STIL: variants seen among roughly 807,000 people sequenced by gnomAD.
STIL encodes the protein SCL-interrupting locus protein.
STIL carries 55 observed loss-of-function variants against 110.1 expected under a neutral mutation model. The observed-to-expected ratio is 0.50, with a 90% CI of 0.40 to 0.63. The LOEUF (loss-of-function observed/expected upper bound fraction) is 0.63. STIL is among the 20% of genes least tolerant of loss of function. The pLI is 0.00. For synonymous variants in STIL, 481 were observed against 530.0 expected (o/e 0.91, Z 1.27); for missense variants, 1,358 against 1,530.0 (o/e 0.89, Z 1.87).
intron 6 of STIL, among the ~76,000 whole-genome samples, chr1:47,299,294 C>G (rs1237103332): frequency 6.6e-6 from 1 of 151,202 alleles, no homozygotes; most frequent in Non-Finnish European, 1.5e-5. Flanking sequence ...TTACAGTGAG[C>G]CAAGATCCCA....
rs973259605 is a variant in STIL, at chr1:47,287,628, A to G, written c.1056T>C (p.Arg352=). 3.1e-6 allele frequency: 5 copies of G among 1,613,546 alleles called. No individual in the cohort carries two copies. In the African/African-American group the frequency reaches 5.3e-5, roughly 17 times the overall value. The change falls in exon 10 of 17, where the codon CGT becomes CGC. Residue 352 remains arginine (R), a synonymous_variant. Transcript: ENST00000371877. ...TTTGGCTTTCAGCGCTCAGTTCACA[A>G]CGGATTGGATTTTTGTCAGGAGGTT... ...NVEPPDKNPI[R]CELSAESQNA...
rs766451599 is a variant in STIL, at chr1:47,260,522, T to C, written c.2847A>G (p.Leu949=). The part of the protein sequence containing the change: ...YQDLLGQVNH[L]LNSSSKETEQ... ...CAGTTTCCTTGGAGGAACTATTTAATAGGTGGTTTACTTGACCCTGACAAA... is the reference window on the plus strand; with the variant it reads ...CAGTTTCCTTGGAGGAACTATTTAACAGGTGGTTTACTTGACCCTGACAAA... Residue 949 remains leucine (L), a synonymous_variant, in exon 16 of 17, where the codon CTA becomes CTG. Coordinates refer to ENST00000371877, the MANE Select transcript of STIL (RefSeq NM_001048166.1). 16 of 1,614,192 alleles carry C rather than the reference T, an allele frequency of 9.9e-6. No individual in the cohort carries two copies. The highest frequency in any genetic ancestry group is 3.3e-5 in the South Asian group (3 of 91,086).
At chr1:47,304,387 C>CT (rs1363506263) in intron 3 of STIL, among the ~76,000 whole-genome samples, 13 of 151,818 alleles carry the variant, frequency 8.6e-5, no homozygotes, top group Non-Finnish European at 1.6e-4. Flanking sequence ...TGAAGCTAGG[C>CT]TGACTCAAGG....
intron 15 of STIL, 79 bp from the exon 16 acceptor site, chr1:47,260,618 A>C: frequency 6.9e-7 from 1 of 1,459,382 alleles, no homozygotes; most frequent in Non-Finnish European, 9.5e-7. Flanking sequence ...CACACCTATA[A>C]TCCCAGCACT....
intron 8 of STIL, among the ~76,000 whole-genome samples, chr1:47,290,367 T>C (rs1645445888): frequency 6.6e-6 from 1 of 152,206 alleles, no homozygotes; most frequent in Non-Finnish European, 1.5e-5. Context: ...CTATGTATTT[T>C]ACATTATATA....
At chr1:47,313,894 C>T (rs1445080775) in intron 1 of STIL, 142 bp downstream of exon 1, 1 of 152,348 alleles carries the variant, frequency 6.6e-6, no homozygotes, top group Non-Finnish European at 1.5e-5. Context: ...TTAATTTCTC[C>T]CACTAGCTCC....
At chr1:47,313,634 A>G (rs1646204772) in intron 1 of STIL, among the ~76,000 whole-genome samples, 1 of 152,144 alleles carries the variant, frequency 6.6e-6, no homozygotes, top group African/African-American at 2.4e-5. Context: ...CTGTACTCAC[A>G]CGCATAGCAT....
At chr1:47,287,434 G>A in intron 10 of STIL, 117 bp downstream of exon 10, 2 of 679,056 alleles carry the variant, frequency 2.9e-6, no homozygotes, top group Non-Finnish European at 4.9e-6. Context: ...AGACATTTAT[G>A]GTACATAAGA....
At position 47,304,935 on chromosome 1, in the gene STIL, G is replaced by A; in HGVS notation, c.106C>T (p.Pro36Ser). 6.2e-7 allele frequency: 1 copy of A among 1,613,958 alleles called. No individual in the cohort carries two copies. The highest frequency in any genetic ancestry group is 8.5e-7 in the Non-Finnish European group (1 of 1,179,966). Reference protein sequence around the residue: ...FPPSKCALWNPTPTGDFIYLH... With the variant: ...FPPSKCALWNSTPTGDFIYLH... ...TAGATGAAATCTCCAGTTGGCGTTG[G>A]GTTCCAAAGTGCACATTTTGATGGA... is the stretch of plus-strand genomic sequence containing the variant. The change falls in exon 3 of 17, where the codon CCA (proline) becomes TCA (serine). Residue 36 changes from proline to serine, a missense_variant. Pro to Ser is a moderately conservative substitution (Grantham distance 74). Coordinates refer to ENST00000371877, the MANE Select transcript of STIL (RefSeq NM_001048166.1).
chr1:47,280,762 C>T lies in STIL; in HGVS notation c.1696G>A (p.Ala566Thr), dbSNP rs1488492578. The change falls in exon 12 of 17, where the codon GCC (alanine) becomes ACC (threonine). Residue 566 changes from alanine to threonine, a missense_variant. By Grantham distance (58) the Ala-to-Thr change is moderately conservative. Transcript: ENST00000371877. ...AAATCGTGTGGTTGGGACTGCGGGG[C>T]AAGAGAAGACTGCCTAGAATTAAGT... ...STLNSRQSSL[A>T]PQSQPHDFVF... 2.5e-6 allele frequency: 4 copies of T among 1,613,714 alleles called. No homozygotes were observed. Among genetic ancestry groups the T allele is most frequent in the Admixed American group, 1.7e-5 (1 of 59,966 alleles).
chr1:47,254,188 A>AG (rs1644265830), intron 16 of STIL, among the ~76,000 whole-genome samples: 1 of 136,234 alleles, frequency 7.3e-6, no homozygotes, highest in African/African-American at 3.5e-5. Context: ...CTCAAAAAAA[A>AG]AAAAAAAAAA....
At chr1:47,302,044 T>G (rs1645819700) in intron 4 of STIL, among the ~76,000 whole-genome samples, 190 bp downstream of exon 4, 1 of 152,176 alleles carries the variant, frequency 6.6e-6, no homozygotes, top group Non-Finnish European at 1.5e-5. Context: ...ATACAATAGT[T>G]GGCCGAATCA....
chr1:47,305,715 C>CG, intron 2 of STIL, among the ~76,000 whole-genome samples: 1 of 146,676 alleles, frequency 6.8e-6, no homozygotes. Context: ...CGTGAGCCAC[C>CG]ACGCCTGGCC....
chr1:47,276,028 A>T (rs1644981684), intron 12 of STIL, among the ~76,000 whole-genome samples: 1 of 150,416 alleles, frequency 6.6e-6, no homozygotes, highest in Admixed American at 6.6e-5. Flanking sequence ...TTTGAGACAG[A>T]GTCTAGCTCT....
chr1:47,253,672 C>T (rs1244797965), intron 16 of STIL, among the ~76,000 whole-genome samples: 2 of 152,160 alleles, frequency 1.3e-5, no homozygotes, highest in Non-Finnish European at 2.9e-5. Flanking sequence ...TTTTTTCTAT[C>T]AGAGTCCTTT....
intron 1 of STIL, among the ~76,000 whole-genome samples, chr1:47,311,844 C>T (rs1184767414): frequency 3.3e-5 from 5 of 151,596 alleles, no homozygotes; most frequent in South Asian, 2.1e-4. Flanking sequence ...GTGAGGAGTT[C>T]GAGACCAGCC....
At chr1:47,289,061 CAAA>C (rs371944423) in intron 9 of STIL, among the ~76,000 whole-genome samples, 6 of 83,472 alleles carry the variant, frequency 7.2e-5, no homozygotes, top group Non-Finnish European at 1.3e-4. Context: ...GATTCCATCT[CAAA>C]AAAAAAAAAA....
chr1:47,293,319 G>A, intron 8 of STIL, 139 bp downstream of exon 8: 1 of 642,334 alleles, frequency 1.6e-6, no homozygotes, highest in Non-Finnish European at 2.7e-6. Flanking sequence ...TTAATATAAG[G>A]TTTGTTTTTT....
At chr1:47,287,500 T>C (rs1645337692) in intron 10 of STIL, 51 bp downstream of exon 10, 4 of 1,200,990 alleles carry the variant, frequency 3.3e-6, no homozygotes, top group South Asian at 2.8e-5. Flanking sequence ...CAAAAACTAA[T>C]AAATATAATT....
Sources: allele counts gnomAD v4.1 joint callset (sites outside exome capture counted in the v4.1 genomes callset), GRCh38; gene constraint gnomAD v4.1.1; transcripts MANE v1.5; gene names NCBI Gene and HGNC (gene_info 2026-07-23, HGNC 2026-07-21).